CSMD1: variants seen among roughly 807,000 people sequenced by gnomAD.
CSMD1 encodes CUB and sushi domain-containing protein 1.
In CSMD1, 213 loss-of-function variants were observed where a neutral mutation model predicts 417.5. That is an observed-to-expected ratio of 0.51 (90% CI 0.46 to 0.57). The LOEUF is 0.57. Among genes scored for constraint, CSMD1 ranks in the 20% least tolerant of loss-of-function variants. CSMD1 has a pLI of 0.00. For missense variants in CSMD1, 6,923 were observed against 4,529.7 expected, an observed-to-expected ratio of 1.53 and a Z score of -15.17; for synonymous variants, 2,862 against 1,736.8, an observed-to-expected ratio of 1.65 and a Z score of -16.11.
chr8:2,993,637 G>T (rs1806608584), intron 54 of CSMD1, among the ~76,000 whole-genome samples: 1 of 152,148 alleles, frequency 6.6e-6, no homozygotes, highest in Admixed American at 6.5e-5. Context: ...GCACTCAAAG[G>T]TCTCCCGGGA....
chr8:4,388,995 A>G (rs551171568), intron 3 of CSMD1, among the ~76,000 whole-genome samples: 1 of 152,292 alleles, frequency 6.6e-6, no homozygotes, highest in Admixed American at 6.5e-5. Context: ...TGTTCTTTGT[A>G]ATTGTTCAGG....
chr8:3,662,230 A>G lies in CSMD1; in HGVS notation c.1010-45433T>C, dbSNP rs552644875. ...AACAGTGGGTTTAGGAAAACACAGT[A>G]TGTTCAACTATGCTCAATCCCAGAT... On this transcript the variant is annotated intron_variant, in intron 7 of 69. Transcript: ENST00000635120. Among the ~76,000 whole-genome samples the G allele has an allele frequency of 3.3e-5, 5 of 152,354 alleles. No homozygotes were observed. The East Asian group carries it at 5.8e-4, about 18-fold the overall frequency.
At chr8:3,831,462 A>G (rs1372135166) in intron 5 of CSMD1, among the ~76,000 whole-genome samples, 1 of 152,196 alleles carries the variant, frequency 6.6e-6, no homozygotes, top group Admixed American at 6.5e-5. Context: ...GAGATTCCTT[A>G]TAAACATGAT....
chr8:3,568,468 G>C (rs572991500), intron 10 of CSMD1, among the ~76,000 whole-genome samples: 1 of 152,252 alleles, frequency 6.6e-6, no homozygotes, highest in South Asian at 2.1e-4. Context: ...CTAACGTTTT[G>C]AGTTTTTTAA....
intron 3 of CSMD1, among the ~76,000 whole-genome samples, chr8:4,286,093 T>C (rs1797042218): frequency 6.6e-6 from 1 of 152,166 alleles, no homozygotes; most frequent in Non-Finnish European, 1.5e-5. Flanking sequence ...ATACACATTA[T>C]TCTTTATGTG....
intron 5 of CSMD1, among the ~76,000 whole-genome samples, chr8:3,856,413 C>A (rs1168272224): frequency 6.6e-6 from 1 of 152,134 alleles, no homozygotes; most frequent in Non-Finnish European, 1.5e-5. Context: ...GTTTCTGCTA[C>A]TTCTTTATAG....
At chr8:2,984,617 G>A (rs910434461) in intron 54 of CSMD1, among the ~76,000 whole-genome samples, 1 of 152,212 alleles carries the variant, frequency 6.6e-6, no homozygotes, top group African/African-American at 2.4e-5. Context: ...AAAGTGCTGG[G>A]ATTACAGGCA....
intron 1 of CSMD1, among the ~76,000 whole-genome samples, chr8:4,704,172 A>G (rs1003006899): frequency 1.3e-5 from 2 of 152,204 alleles, no homozygotes; most frequent in African/African-American, 4.8e-5. Context: ...CCCAGTCTCT[A>G]TTAACACGTA....
At chr8:4,956,450 TAA>T (rs1342632340) in intron 1 of CSMD1, among the ~76,000 whole-genome samples, 1 of 148,650 alleles carries the variant, frequency 6.7e-6, no homozygotes, top group African/African-American at 2.4e-5. Flanking sequence ...ATATACATAT[TAA>T]AATATATTTT....
intron 6 of CSMD1, among the ~76,000 whole-genome samples, chr8:3,730,016 A>G (rs1802746311): frequency 6.7e-6 from 1 of 149,202 alleles, no homozygotes; most frequent in Middle Eastern, 3.2e-3. Context: ...GAGGAGAAAA[A>G]TCTTTGGTCG....
chr8:4,267,917 C>T (rs997772157), intron 3 of CSMD1, among the ~76,000 whole-genome samples: 3 of 152,000 alleles, frequency 2.0e-5, no homozygotes, highest in African/African-American at 7.2e-5. Flanking sequence ...TAAAATAGGA[C>T]TCACTTATTC....
chr8:4,550,279 T>A (rs1295725752), intron 2 of CSMD1, among the ~76,000 whole-genome samples: 1 of 151,632 alleles, frequency 6.6e-6, no homozygotes, highest in African/African-American at 2.4e-5. Context: ...CACGGCCAAC[T>A]TTGATCATGA....
intron 12 of CSMD1, among the ~76,000 whole-genome samples, chr8:3,424,385 A>G (rs561062249): frequency 6.6e-6 from 1 of 152,330 alleles, no homozygotes; most frequent in South Asian, 2.1e-4. Flanking sequence ...TTGCCCAGTT[A>G]CTGCATTCAT....
chr8:3,203,666 A>T (rs1469523223), intron 31 of CSMD1, among the ~76,000 whole-genome samples: 1 of 152,216 alleles, frequency 6.6e-6, no homozygotes, highest in Non-Finnish European at 1.5e-5. Context: ...AAGGATCTCA[A>T]AGGCCACCCT....
intron 21 of CSMD1, among the ~76,000 whole-genome samples, chr8:3,351,553 C>A (rs1808422557): frequency 1.3e-5 from 2 of 149,594 alleles, no homozygotes; most frequent in Non-Finnish European, 3.0e-5. Context: ...GCCGAGACCA[C>A]CCAACTACAT....
At chr8:3,404,473 G>C (rs1338848114) in intron 15 of CSMD1, among the ~76,000 whole-genome samples, 1 of 152,110 alleles carries the variant, frequency 6.6e-6, no homozygotes, top group African/African-American at 2.4e-5. Context: ...GGAGTTTAAT[G>C]CTCCACACCT....
chr8:3,304,941 T>C (rs967225362), intron 25 of CSMD1, among the ~76,000 whole-genome samples: 4 of 152,092 alleles, frequency 2.6e-5, no homozygotes, highest in African/African-American at 9.6e-5. Context: ...TCCATTAGCA[T>C]AGATGATTTC....
chr8:4,650,987 A>C (rs768198031), intron 1 of CSMD1, among the ~76,000 whole-genome samples: 7 of 152,202 alleles, frequency 4.6e-5, no homozygotes, highest in Non-Finnish European at 1.0e-4. Flanking sequence ...TGATAACAAG[A>C]AGAAATATGG....
intron 5 of CSMD1, among the ~76,000 whole-genome samples, chr8:3,891,114 TC>T (rs1430712128): frequency 6.6e-6 from 1 of 152,104 alleles, no homozygotes; most frequent in African/African-American, 2.4e-5. Flanking sequence ...AGTGTTGTGA[TC>T]TTGGCTCATT....
Sources: allele counts gnomAD v4.1 joint callset (sites outside exome capture counted in the v4.1 genomes callset), GRCh38; gene constraint gnomAD v4.1.1; transcripts MANE v1.5; gene names NCBI Gene and HGNC (gene_info 2026-07-23, HGNC 2026-07-21).